Variants in LRRC37A2 observed in about 807,000 individuals in gnomAD.
LRRC37A2 encodes leucine rich repeat containing 37 member A2, also known as leucine-rich repeat-containing protein 37A2.
Under a neutral mutation model 68.8 loss-of-function variants are expected in LRRC37A2, and 9 were observed. That is an observed-to-expected ratio of 0.13 (90% CI 0.08 to 0.23). LRRC37A2 has a LOEUF of 0.23. Ranked by LOEUF, LRRC37A2 falls within the 10% of genes least tolerant of loss-of-function variation. The pLI is 1.00. For missense variants in LRRC37A2, 168 were observed against 950.4 expected, an observed-to-expected ratio of 0.18 and a Z score of 10.82; for synonymous variants, 63 against 367.6, an observed-to-expected ratio of 0.17 and a Z score of 9.48.
At chr17:46,752,966 A>G in the LRRC37A2 span, among the ~76,000 whole-genome samples, 3 of 151,974 alleles carry the variant, frequency 2.0e-5, no homozygotes, top group African/African-American at 7.3e-5. Flanking sequence ...ATGGGGTTTC[A>G]CCATGTTGGC....
the LRRC37A2 span, among the ~76,000 whole-genome samples, chr17:46,494,515 C>A: frequency 6.7e-6 from 1 of 149,632 alleles, no homozygotes; most frequent in East Asian, 2.0e-4. Flanking sequence ...ACTTTATGAA[C>A]ACTGCAGTTT....
chr17:46,756,613 T>C, the LRRC37A2 span: 1 of 152,644 alleles, frequency 6.6e-6, no homozygotes, highest in East Asian at 1.9e-4. Flanking sequence ...GTTATTAAAG[T>C]AATTTACAAA....
chr17:46,799,938 T>G, the LRRC37A2 span, among the ~76,000 whole-genome samples: 2 of 152,136 alleles, frequency 1.3e-5, 1 homozygote, highest in South Asian at 4.1e-4. Flanking sequence ...ACCCTCTTTC[T>G]GGAGTGCTAT....
chr17:46,931,717 G>A, the LRRC37A2 span: 1 of 342,664 alleles, frequency 2.9e-6, no homozygotes, highest in Non-Finnish European at 5.3e-6. Flanking sequence ...TTACCTCAAA[G>A]ATGCCCTTGG....
the LRRC37A2 span, among the ~76,000 whole-genome samples, chr17:46,900,220 C>CATAT: frequency 1.4e-3 from 167 of 122,166 alleles, 2 homozygotes; most frequent in African/African-American, 5.6e-3. Flanking sequence ...CACACACACA[C>CATAT]ATATATATAT....
the LRRC37A2 span, among the ~76,000 whole-genome samples, chr17:46,896,395 A>AAAG: frequency 3.6e-5 from 2 of 56,252 alleles, no homozygotes; most frequent in Non-Finnish European, 6.2e-5. Flanking sequence ...AAAGAAAGAG[A>AAAG]AAGAAAGAAA....
At chr17:47,026,087 G>T in the LRRC37A2 span, among the ~76,000 whole-genome samples, 37 of 150,258 alleles carry the variant, frequency 2.5e-4, no homozygotes, top group Admixed American at 1.5e-3. Context: ...GGGATAAATT[G>T]TTTCTCGAAC....
chr17:46,542,104 C>T (rs1170751507), intron 8 of LRRC37A2, among the ~76,000 whole-genome samples: 16 of 138,858 alleles, frequency 1.2e-4, no homozygotes, highest in African/African-American at 1.8e-4. Flanking sequence ...CTAACCTGGG[C>T]GACAGAGTGG....
the LRRC37A2 span, among the ~76,000 whole-genome samples, chr17:46,776,145 C>G: frequency 6.6e-6 from 1 of 152,224 alleles, no homozygotes; most frequent in Non-Finnish European, 1.5e-5. Context: ...GTGTCAGACT[C>G]CAGAGCCCAT....
chr17:46,548,852 C>A (rs760522683), exon 10 of LRRC37A2: 1 of 1,612,326 alleles, frequency 6.2e-7, no homozygotes, highest in African/African-American at 1.4e-5. Flanking sequence ...CCTTCCTTCA[C>A]CCAAGAGCAT....
chr17:46,874,996 C>A, the LRRC37A2 span: 115 of 1,571,700 alleles, frequency 7.3e-5, no homozygotes, highest in Middle Eastern at 1.7e-4. Flanking sequence ...ACAGCGCTGC[C>A]ACCACCGCCT....
the LRRC37A2 span, among the ~76,000 whole-genome samples, chr17:46,586,394 A>ACT: frequency 5.0e-5 from 1 of 20,104 alleles, no homozygotes; most frequent in Non-Finnish European, 6.2e-4. Flanking sequence ...ACACACACAC[A>ACT]CACACACACA....
At chr17:46,400,220 TG>T in the LRRC37A2 span, among the ~76,000 whole-genome samples, 2 of 152,050 alleles carry the variant, frequency 1.3e-5, no homozygotes, top group Non-Finnish European at 2.9e-5. Flanking sequence ...AGATGGGGAC[TG>T]GGGAATGTGA....
chr17:46,922,807 G>A, the LRRC37A2 span: 3 of 234,858 alleles, frequency 1.3e-5, no homozygotes, highest in Non-Finnish European at 2.5e-5. Context: ...AGCCAAGCAA[G>A]AACCTCCAGT....
the LRRC37A2 span, among the ~76,000 whole-genome samples, chr17:46,821,902 C>A: frequency 1.3e-5 from 2 of 152,334 alleles, no homozygotes; most frequent in South Asian, 4.1e-4. Flanking sequence ...GTGGCCAGGC[C>A]CCCGCCCGCC....
the LRRC37A2 span, chr17:47,028,134 C>T: frequency 3.0e-6 from 2 of 667,450 alleles, no homozygotes; most frequent in South Asian, 1.8e-5. Flanking sequence ...AATCATAAGC[C>T]AGTATCTTCC....
At chr17:46,551,575 C>T (rs1274767741) in intron 11 of LRRC37A2, among the ~76,000 whole-genome samples, 2 of 149,478 alleles carry the variant, frequency 1.3e-5, no homozygotes, top group Non-Finnish European at 2.9e-5. Flanking sequence ...TCAAGTTCAT[C>T]TTTCTTCTTG....
the LRRC37A2 span, among the ~76,000 whole-genome samples, chr17:46,890,131 T>G: frequency 6.6e-6 from 1 of 152,288 alleles, no homozygotes; most frequent in East Asian, 1.9e-4. Flanking sequence ...TCCCTCCTCC[T>G]CCTCGCTCCT....
chr17:47,020,772 A>C, the LRRC37A2 span, among the ~76,000 whole-genome samples: 1 of 135,554 alleles, frequency 7.4e-6, no homozygotes, highest in African/African-American at 2.9e-5. Flanking sequence ...ACAGAGCAAG[A>C]CTCCATCTCA....
Sources: allele counts gnomAD v4.1 joint callset (sites outside exome capture counted in the v4.1 genomes callset), GRCh38; gene constraint gnomAD v4.1.1; transcripts MANE v1.5; gene names NCBI Gene and HGNC (gene_info 2026-07-23, HGNC 2026-07-21).